The following GRHL2 variants were observed in gnomAD, a reference collection of about 807,000 sequenced individuals.
The protein encoded by GRHL2 is grainyhead-like protein 2 homolog.
Under a neutral mutation model 83.8 loss-of-function variants are expected in GRHL2, and 21 were observed. The observed-to-expected ratio is 0.25, with a 90% CI of 0.18 to 0.36. The LOEUF is 0.36. Among genes scored for constraint, GRHL2 ranks in the 10% least tolerant of loss-of-function variants. The probability of loss-of-function intolerance (pLI) is 1.00; values close to 1 mark genes in which losing one functional copy is unlikely to be tolerated. For synonymous variants in GRHL2, 280 were observed against 278.9 expected, an observed-to-expected ratio of 1.00 and a Z score of -0.04; for missense variants, 623 against 781.8, an observed-to-expected ratio of 0.80 and a Z score of 2.42.
intron 1 of GRHL2, among the ~76,000 whole-genome samples, chr8:101,497,750 T>G (rs1810137780): frequency 6.6e-6 from 1 of 152,236 alleles, no homozygotes; most frequent in Non-Finnish European, 1.5e-5. Context: ...TTAATGTTAG[T>G]TTACATAATA....
chr8:101,584,421 C>G (rs922319926), intron 7 of GRHL2, among the ~76,000 whole-genome samples: 30 of 152,224 alleles, frequency 2.0e-4, no homozygotes, highest in Admixed American at 4.6e-4. Flanking sequence ...CTCCATAGTT[C>G]TCTTTGAGGG....
intron 14 of GRHL2, among the ~76,000 whole-genome samples, chr8:101,662,488 C>T (rs1407572167): frequency 2.0e-5 from 3 of 152,190 alleles, no homozygotes; most frequent in East Asian, 3.8e-4. Context: ...ATCCAAAGCT[C>T]CTCCAGCTCT....
In GRHL2 at chr8:101,558,245, C is replaced by T. The variant is rs1811527476; in HGVS notation, c.285-174C>T. 2.0e-5 allele frequency among the ~76,000 whole-genome samples: 3 copies of T among 152,270 alleles called. No individual in the cohort carries two copies. In the South Asian group the frequency reaches 6.2e-4, roughly 32 times the overall value. On this transcript the variant is annotated intron_variant, in intron 3 of 15. Transcript: ENST00000646743. ...AGGGGGCGCATGGCTCACTCGTGGT[C>T]CTACTTCTAGTGACGCAAGGATCCC...
intron 2 of GRHL2, among the ~76,000 whole-genome samples, chr8:101,549,074 A>G (rs491846): frequency 0.67 from 100,976 of 151,404 alleles, 34,702 homozygotes; most frequent in Non-Finnish European, 0.76. Context: ...TATCATGGAC[A>G]CAGAAAATTA....
At chr8:101,653,303 G>T (rs1212722056) in intron 14 of GRHL2, among the ~76,000 whole-genome samples, 1 of 152,164 alleles carries the variant, frequency 6.6e-6, no homozygotes, top group Non-Finnish European at 1.5e-5. Flanking sequence ...TGCTCAGTGA[G>T]TAGAAAAGGG....
chr8:101,558,895 T>G (rs1049984803), intron 4 of GRHL2, 83 bp downstream of exon 4: 4 of 1,425,466 alleles, frequency 2.8e-6, no homozygotes, highest in Non-Finnish European at 3.9e-6. Context: ...CAAAGTGTGA[T>G]AAATGAATTA....
At chr8:101,591,630 A>G (rs570138467) in intron 7 of GRHL2, among the ~76,000 whole-genome samples, 6 of 152,318 alleles carry the variant, frequency 3.9e-5, no homozygotes, top group Non-Finnish European at 7.4e-5. Context: ...TTTTGCATCA[A>G]GCAGACCCGG....
At chr8:101,493,332 C>A (rs991674790) in intron 1 of GRHL2, among the ~76,000 whole-genome samples, 2 of 152,104 alleles carry the variant, frequency 1.3e-5, no homozygotes, top group African/African-American at 2.4e-5. Context: ...AGTGCGCGCC[C>A]GCGTGTGGCC....
chr8:101,590,880 C>T (rs1812266885), intron 7 of GRHL2, among the ~76,000 whole-genome samples: 2 of 152,284 alleles, frequency 1.3e-5, no homozygotes, highest in Admixed American at 1.3e-4. Flanking sequence ...GAATCCGCAC[C>T]TTTCAGAAGA....
chr8:101,613,136 G>A (rs1812785501), intron 8 of GRHL2, among the ~76,000 whole-genome samples: 2 of 150,738 alleles, frequency 1.3e-5, no homozygotes, highest in South Asian at 2.1e-4. Flanking sequence ...CAGCACAGAA[G>A]GCAGAGCACA....
intron 1 of GRHL2, among the ~76,000 whole-genome samples, chr8:101,535,370 A>G (rs887584640): frequency 5.9e-5 from 9 of 152,162 alleles, no homozygotes; most frequent in African/African-American, 1.4e-4. Context: ...AAGCTAGAGA[A>G]GAAGGTTTTC....
chr8:101,545,325 C>T (rs1195747852), intron 2 of GRHL2, among the ~76,000 whole-genome samples: 7 of 151,650 alleles, frequency 4.6e-5, no homozygotes, highest in Non-Finnish European at 1.0e-4. Context: ...GGACTCCTGA[C>T]ATAGCAAGAA....
intron 1 of GRHL2, among the ~76,000 whole-genome samples, chr8:101,536,594 G>A (rs1811049865): frequency 6.6e-6 from 1 of 152,186 alleles, no homozygotes; most frequent in Non-Finnish European, 1.5e-5. Context: ...AATAAGTGGT[G>A]CAGCCAAGAT....
intron 14 of GRHL2, among the ~76,000 whole-genome samples, chr8:101,655,914 T>A (rs1813775578): frequency 6.6e-6 from 1 of 152,222 alleles, no homozygotes; most frequent in Middle Eastern, 3.2e-3. Context: ...CTGTAGCTTC[T>A]GGCTAATCCC....
At chr8:101,640,901 C>T (rs1383909908) in intron 12 of GRHL2, among the ~76,000 whole-genome samples, 1 of 152,208 alleles carries the variant, frequency 6.6e-6, no homozygotes, top group Non-Finnish European at 1.5e-5. Context: ...CACCACATAC[C>T]ATGATCTCCC....
intron 3 of GRHL2, among the ~76,000 whole-genome samples, chr8:101,556,778 C>T (rs1022247272): frequency 1.3e-5 from 2 of 152,126 alleles, no homozygotes; most frequent in Admixed American, 1.3e-4. Flanking sequence ...TATTTTATTT[C>T]TCCTTTAAGG....
chr8:101,656,704 G>C (rs1411907219), intron 14 of GRHL2, among the ~76,000 whole-genome samples: 2 of 152,152 alleles, frequency 1.3e-5, no homozygotes, highest in Non-Finnish European at 2.9e-5. Context: ...ATAATAATAT[G>C]AGATAATATT....
chr8:101,512,650 T>G (rs370635922), intron 1 of GRHL2, among the ~76,000 whole-genome samples: 121 of 152,304 alleles, frequency 7.9e-4, no homozygotes, highest in African/African-American at 2.0e-3. Flanking sequence ...AATTTTTGTA[T>G]TTTTAGTAGA....
At chr8:101,513,896 T>A (rs1349378840) in intron 1 of GRHL2, among the ~76,000 whole-genome samples, 2 of 152,134 alleles carry the variant, frequency 1.3e-5, no homozygotes, top group Non-Finnish European at 2.9e-5. Context: ...AATGTTGAAA[T>A]TATCTATTCC....
Sources: allele counts gnomAD v4.1 joint callset (sites outside exome capture counted in the v4.1 genomes callset), GRCh38; gene constraint gnomAD v4.1.1; transcripts MANE v1.5; gene names NCBI Gene and HGNC (gene_info 2026-07-23, HGNC 2026-07-21).